The following VBP1 variants were observed in gnomAD, a reference collection of about 807,000 sequenced individuals.
VBP1 encodes VHL binding protein 1.
Under a neutral mutation model 15.5 loss-of-function variants are expected in VBP1, and 4 were observed. That is an observed-to-expected ratio of 0.26 (90% confidence interval 0.13 to 0.59). The LOEUF (loss-of-function observed/expected upper bound fraction) is 0.59, where lower values mean the gene tolerates loss of function less well. Ranked by LOEUF, VBP1 falls within the 20% of genes least tolerant of loss-of-function variation. The pLI is 0.90. For missense variants in VBP1, 108 were observed against 139.6 expected, an observed-to-expected ratio of 0.77 and a Z score of 1.14; for synonymous variants, 61 against 52.1, an observed-to-expected ratio of 1.17 and a Z score of -0.74.
At chrX:155,223,822 G>A (rs2074703775) in intron 2 of VBP1, among the ~76,000 whole-genome samples, 1 of 108,351 alleles carries the variant, frequency 9.2e-6, no homozygotes, top group Admixed American at 9.6e-5. Context: ...TGGCCGGGCG[G>A]GGGCTGCCCC....
chrX:155,211,092 T>C (rs1557308480), intron 2 of VBP1, among the ~76,000 whole-genome samples: 1 of 111,911 alleles, frequency 8.9e-6, no homozygotes, highest in Non-Finnish European at 1.9e-5. Flanking sequence ...TTCCAAGGTT[T>C]CTTGGCTCCA....
At chrX:155,203,311 G>A (rs1335857342) in intron 1 of VBP1, among the ~76,000 whole-genome samples, 5 of 111,005 alleles carry the variant, frequency 4.5e-5, no homozygotes, top group African/African-American at 9.8e-5. Context: ...ACATGTACAC[G>A]TATGTTTATT....
At chrX:155,227,792 A>G (rs2074726060) in intron 3 of VBP1, among the ~76,000 whole-genome samples, 1 of 112,317 alleles carries the variant, frequency 8.9e-6, no homozygotes, top group Non-Finnish European at 1.9e-5. Flanking sequence ...TGGCAGAACT[A>G]AATTTGAGAG....
In VBP1 at chrX:155,216,559, C is replaced by T; in HGVS notation, c.77C>T (p.Pro26Leu). 2 of 1,169,351 alleles carry T rather than the reference C, an allele frequency of 1.7e-6. No individual in the cohort carries two copies. The highest frequency in any genetic ancestry group is 1.1e-6 in the Non-Finnish European group (1 of 873,582). Residue 26 changes from proline (P) to leucine (L), a missense_variant, in exon 1 of 6, where the codon CCT becomes CTT. Physicochemically the swap from Pro to Leu is moderately conservative, Grantham distance 98 (BLOSUM62 -3). Coordinates refer to ENST00000286428, the MANE Select transcript of VBP1 (RefSeq NM_003372.7). The stretch of plus-strand genomic sequence containing the variant: ...GGGCGGCGGCTCCACCTGGGGATTC[C>T]TGAGGCCGTGTTTGTGGTAAGAGGC... ...GNGRRLHLGI[P>L]EAVFVEDVDS...
chrX:155,236,089 C>G (rs920293334), intron 4 of VBP1, 140 bp from the exon 5 acceptor site: 3 of 648,887 alleles, frequency 4.6e-6, no homozygotes, highest in Non-Finnish European at 2.2e-6. Flanking sequence ...TAGAGAATAG[C>G]TGGGCTCCAG....
At chrX:155,213,084 C>G (rs1450526822), upstream of VBP1, 5 of 111,967 alleles carry the variant, frequency 4.5e-5, no homozygotes, top group African/African-American at 1.6e-4. Flanking sequence ...GAAATAGCCC[C>G]AAGAGGCTGG....
At chrX:155,215,638 G>A (rs782071566), upstream of VBP1, among the ~76,000 whole-genome samples, 3 of 112,391 alleles carry the variant, frequency 2.7e-5, no homozygotes, top group Admixed American at 9.4e-5. Flanking sequence ...TTTCCATTGC[G>A]TAATTCTTAG....
intron 2 of VBP1, among the ~76,000 whole-genome samples, chrX:155,210,837 G>C (rs1319911812): frequency 1.8e-5 from 2 of 112,048 alleles, no homozygotes; most frequent in Non-Finnish European, 3.8e-5. Flanking sequence ...CTTGGGCAGG[G>C]AGTGTGATCC....
At chrX:155,235,579 G>A (rs1183143783) in intron 4 of VBP1, among the ~76,000 whole-genome samples, 1 of 111,765 alleles carries the variant, frequency 8.9e-6, no homozygotes, top group African/African-American at 3.3e-5. Context: ...TCTTCAGAAT[G>A]ACAGACACAT....
At chrX:155,237,320 A>G (rs1557311707) in intron 5 of VBP1, among the ~76,000 whole-genome samples, 2 of 111,043 alleles carry the variant, frequency 1.8e-5, no homozygotes, top group African/African-American at 6.6e-5. Context: ...GATTCACATC[A>G]AATTTCCCTC....
upstream of VBP1, among the ~76,000 whole-genome samples, chrX:155,211,686 C>T (rs1486667639): frequency 8.9e-6 from 1 of 112,268 alleles, no homozygotes; most frequent in African/African-American, 3.2e-5. Context: ...GGAGTTAGTC[C>T]TGAGCCAGAC....
intron 4 of VBP1, among the ~76,000 whole-genome samples, chrX:155,232,861 A>G (rs1400652423): frequency 8.9e-6 from 1 of 112,827 alleles, no homozygotes; most frequent in African/African-American, 3.2e-5. Context: ...ATAAATATTA[A>G]CTAAAAGAAA....
chrX:155,227,356 T>C, intron 3 of VBP1, 55 bp downstream of exon 3: 1 of 921,979 alleles, frequency 1.1e-6, no homozygotes, highest in South Asian at 2.4e-5. Flanking sequence ...CAGCAGAAAC[T>C]CGTCTTCTTT....
intron 2 of VBP1, chrX:155,209,003 T>G (rs1488496571): frequency 1.8e-6 from 2 of 1,139,762 alleles, no homozygotes; most frequent in Non-Finnish European, 2.3e-6. Flanking sequence ...CTGTTGTTGC[T>G]AAGGGCCTTG....
At chrX:155,216,230 T>G, upstream of VBP1, 1 of 506,148 alleles carries the variant, frequency 2.0e-6, no homozygotes, top group Non-Finnish European at 3.0e-6. Context: ...GGAGGACGTA[T>G]GGGTTTTTCC....
At chrX:155,235,407 A>G (rs2074767216) in intron 4 of VBP1, among the ~76,000 whole-genome samples, 1 of 111,680 alleles carries the variant, frequency 9.0e-6, no homozygotes, top group Admixed American at 9.5e-5. Context: ...AATCCTTACA[A>G]CAATCCTTTG....
intron 4 of VBP1, among the ~76,000 whole-genome samples, chrX:155,229,168 C>T (rs782390761): frequency 8.9e-6 from 1 of 111,896 alleles, no homozygotes; most frequent in Non-Finnish European, 1.9e-5. Flanking sequence ...GAGAGGCACT[C>T]TAGATTAGCC....
chrX:155,227,927 A>G (rs1557310393), intron 3 of VBP1, among the ~76,000 whole-genome samples: 1 of 112,483 alleles, frequency 8.9e-6, no homozygotes, highest in Non-Finnish European at 1.9e-5. Context: ...TAGAATAACT[A>G]TTTCTAGTAC....
chrX:155,204,824 TTTGCTGCTGG>T (rs2074621051), intron 1 of VBP1, among the ~76,000 whole-genome samples: 2 of 112,327 alleles, frequency 1.8e-5, no homozygotes, highest in African/African-American at 6.5e-5. Flanking sequence ...TGAACTACTG[TTTGCTGCTGG>T]TTTTTCTCCC....
Sources: allele counts gnomAD v4.1 joint callset (sites outside exome capture counted in the v4.1 genomes callset), GRCh38; gene constraint gnomAD v4.1.1; transcripts MANE v1.5; gene names NCBI Gene and HGNC (gene_info 2026-07-23, HGNC 2026-07-21).